BLTP3B: variants seen among roughly 807,000 people sequenced by gnomAD.
BLTP3B encodes the protein bridge-like lipid transfer protein family member 3B, also known as UHRF1 (ICBP90) binding protein 1-like.
At chr12:100,135,618 C>T in the BLTP3B span, among the ~76,000 whole-genome samples, 1 of 152,178 alleles carries the variant, frequency 6.6e-6, no homozygotes, top group Non-Finnish European at 1.5e-5. Context: ...TTTAAAATTG[C>T]AAACTCCATC....
the BLTP3B span, among the ~76,000 whole-genome samples, chr12:100,063,856 C>T: frequency 4.6e-5 from 7 of 152,110 alleles, no homozygotes; most frequent in African/African-American, 7.2e-5. Flanking sequence ...AAAAACAACT[C>T]TGGTAATATG....
the BLTP3B span, chr12:100,088,898 TAAGC>T: frequency 2.6e-6 from 4 of 1,516,976 alleles, no homozygotes; most frequent in African/African-American, 5.6e-5. Flanking sequence ...TAGTTTGAAA[TAAGC>T]AAGTTATTTT....
chr12:100,140,753 TA>T, the BLTP3B span, among the ~76,000 whole-genome samples: 19 of 106,940 alleles, frequency 1.8e-4, no homozygotes, highest in Non-Finnish European at 1.5e-4. Context: ...TATATATATA[TA>T]AAATAAAATA....
At chr12:100,042,361 C>A in the BLTP3B span, among the ~76,000 whole-genome samples, 1 of 152,182 alleles carries the variant, frequency 6.6e-6, no homozygotes, top group African/African-American at 2.4e-5. Context: ...GGACGACTCA[C>A]ATGTTCCAAT....
At chr12:100,131,581 C>T in the BLTP3B span, among the ~76,000 whole-genome samples, 2 of 152,116 alleles carry the variant, frequency 1.3e-5, no homozygotes, top group East Asian at 3.9e-4. Context: ...TGGGAATAAT[C>T]TTAAAATAAG....
chr12:100,138,518 A>G, the BLTP3B span, among the ~76,000 whole-genome samples: 1 of 152,244 alleles, frequency 6.6e-6, no homozygotes, highest in Non-Finnish European at 1.5e-5. Flanking sequence ...TCTATTCACT[A>G]GATGGCAGTA....
At chr12:100,140,721 AAAAAAAAAATATAT>A in the BLTP3B span, among the ~76,000 whole-genome samples, 2,612 of 107,674 alleles carry the variant, frequency 0.024, 33 homozygotes, top group Middle Eastern at 0.042. Flanking sequence ...AAAAAAAAAA[AAAAAAAAAATATAT>A]ATATATATAT....
the BLTP3B span, among the ~76,000 whole-genome samples, chr12:100,124,030 G>A: frequency 2.6e-5 from 4 of 152,046 alleles, no homozygotes; most frequent in East Asian, 1.9e-4. Context: ...TTGGAAGGCC[G>A]AAGACAGAAA....
the BLTP3B span, among the ~76,000 whole-genome samples, chr12:100,127,581 T>C: frequency 6.5e-3 from 996 of 152,342 alleles, 10 homozygotes; most frequent in African/African-American, 0.022. Context: ...AGGTTTTTCA[T>C]TGAGTCCTAA....
the BLTP3B span, among the ~76,000 whole-genome samples, chr12:100,111,277 A>ATT: frequency 7.6e-4 from 72 of 94,758 alleles, 2 homozygotes; most frequent in South Asian, 2.5e-3. Flanking sequence ...GGGGTTTTAG[A>ATT]TTTTTTTTTT....
the BLTP3B span, among the ~76,000 whole-genome samples, chr12:100,094,024 C>T: frequency 6.6e-6 from 1 of 152,074 alleles, no homozygotes; most frequent in African/African-American, 2.4e-5. Flanking sequence ...TTAATTAAAA[C>T]CTCTCTGTGT....
At chr12:100,086,718 T>G in the BLTP3B span, among the ~76,000 whole-genome samples, 1 of 152,198 alleles carries the variant, frequency 6.6e-6, no homozygotes, top group Admixed American at 6.5e-5. Flanking sequence ...CAACCGCATT[T>G]GATAGGTACA....
At chr12:100,054,311 T>G in the BLTP3B span, among the ~76,000 whole-genome samples, 1 of 152,096 alleles carries the variant, frequency 6.6e-6, no homozygotes, top group Non-Finnish European at 1.5e-5. Context: ...ACAGCAAACA[T>G]ACATATATAT....
At chr12:100,103,100 G>A in the BLTP3B span, among the ~76,000 whole-genome samples, 4 of 152,066 alleles carry the variant, frequency 2.6e-5, no homozygotes, top group South Asian at 6.2e-4. Flanking sequence ...CAGGTGTTGG[G>A]GGGTGGGGAA....
chr12:100,128,360 A>T, the BLTP3B span, among the ~76,000 whole-genome samples: 1 of 152,168 alleles, frequency 6.6e-6, no homozygotes, highest in Non-Finnish European at 1.5e-5. Flanking sequence ...CTATTAGAAA[A>T]GACACTGACT....
At chr12:100,057,872 T>G in the BLTP3B span, 1 of 1,282,970 alleles carries the variant, frequency 7.8e-7, no homozygotes, top group Non-Finnish European at 1.1e-6. Context: ...ACGTATAAGC[T>G]CAAAGTGTTT....
the BLTP3B span, among the ~76,000 whole-genome samples, chr12:100,109,168 CTCTCTCTCTCTCTCTCT>C: frequency 2.1e-4 from 13 of 62,140 alleles, no homozygotes; most frequent in African/African-American, 1.2e-3. Context: ...TCCTCTCTCT[CTCTCTCTCTCTCTCTCT>C]CTCTCTCTCT....
chr12:100,059,429 T>C, the BLTP3B span: 1 of 1,614,090 alleles, frequency 6.2e-7, no homozygotes, highest in Non-Finnish European at 8.5e-7. Flanking sequence ...GTCGACAGTT[T>C]GGACAGTGCC....
chr12:100,136,172 T>C, the BLTP3B span, among the ~76,000 whole-genome samples: 1 of 150,952 alleles, frequency 6.6e-6, no homozygotes, highest in Non-Finnish European at 1.5e-5. Flanking sequence ...GATTGCTCCA[T>C]TGTACTCCAG....
Sources: allele counts gnomAD v4.1 joint callset (sites outside exome capture counted in the v4.1 genomes callset), GRCh38; gene constraint gnomAD v4.1.1; transcripts MANE v1.5; gene names NCBI Gene and HGNC (gene_info 2026-07-23, HGNC 2026-07-21).